UST: variants seen among roughly 807,000 people sequenced by gnomAD.
UST encodes the protein uronyl 2-sulfotransferase.
In UST, 21 loss-of-function variants were observed where a neutral mutation model predicts 45.6. That is an observed-to-expected ratio of 0.46 (90% CI 0.33 to 0.66). The LOEUF is 0.66. UST is among the 30% of genes least tolerant of loss of function. The pLI, the probability that UST is intolerant of heterozygous loss-of-function variation, is 0.02. For missense variants in UST, 463 were observed against 512.4 expected, an observed-to-expected ratio of 0.90 and a Z score of 0.93; for synonymous variants, 215 against 200.6, an observed-to-expected ratio of 1.07 and a Z score of -0.61.
At chr6:148,789,451 T>TCACA (rs1448553656) in intron 1 of UST, among the ~76,000 whole-genome samples, 102 of 132,998 alleles carry the variant, frequency 7.7e-4, no homozygotes, top group African/African-American at 1.3e-3. Flanking sequence ...TCTCTCTCTC[T>TCACA]CTCACACACA....
intron 5 of UST, among the ~76,000 whole-genome samples, chr6:148,992,437 C>G (rs1781373239): frequency 6.6e-6 from 1 of 152,174 alleles, no homozygotes; most frequent in African/African-American, 2.4e-5. Context: ...CCACTGCACT[C>G]CAGCCTGGGC....
At chr6:148,791,052 A>G (rs945571173) in intron 1 of UST, among the ~76,000 whole-genome samples, 1 of 152,152 alleles carries the variant, frequency 6.6e-6, no homozygotes, top group African/African-American at 2.4e-5. Flanking sequence ...ACCTTTTTCA[A>G]TTCAGTGCTT....
chr6:149,051,818 T>G (rs1776492354), intron 7 of UST, among the ~76,000 whole-genome samples: 1 of 152,210 alleles, frequency 6.6e-6, no homozygotes, highest in Non-Finnish European at 1.5e-5. Context: ...CATGAATGAT[T>G]TTTGAATGTT....
chr6:148,840,285 G>A (rs1264697836), intron 1 of UST, among the ~76,000 whole-genome samples: 1 of 152,082 alleles, frequency 6.6e-6, no homozygotes, highest in Non-Finnish European at 1.5e-5. Flanking sequence ...CTGGAGCCAG[G>A]TTTCTCCCAG....
At chr6:148,975,081 C>T (rs1021516311) in intron 5 of UST, among the ~76,000 whole-genome samples, 6 of 152,172 alleles carry the variant, frequency 3.9e-5, no homozygotes, top group Admixed American at 2.6e-4. Context: ...CATTCTATGT[C>T]TTATCACTAT....
intron 1 of UST, among the ~76,000 whole-genome samples, chr6:148,858,314 G>T (rs1444517284): frequency 6.6e-6 from 1 of 152,110 alleles, no homozygotes; most frequent in Non-Finnish European, 1.5e-5. Context: ...TGTAACAAGA[G>T]TCCAAAAGCT....
intron 2 of UST, among the ~76,000 whole-genome samples, chr6:148,903,978 G>A (rs1402348571): frequency 6.6e-6 from 1 of 152,188 alleles, no homozygotes; most frequent in African/African-American, 2.4e-5. Flanking sequence ...ATAACTGGCT[G>A]GAGAACATTC....
At chr6:148,832,274 A>G (rs1777703428) in intron 1 of UST, among the ~76,000 whole-genome samples, 1 of 152,220 alleles carries the variant, frequency 6.6e-6, no homozygotes, top group Non-Finnish European at 1.5e-5. Context: ...TTGACTTTAA[A>G]CCAAACACCG....
At chr6:148,930,573 C>T (rs1037552543) in intron 2 of UST, among the ~76,000 whole-genome samples, 6 of 152,166 alleles carry the variant, frequency 3.9e-5, no homozygotes, top group Non-Finnish European at 7.3e-5. Flanking sequence ...TAAGTTCATA[C>T]GATGGTGGAA....
chr6:149,013,629 G>A (rs1053558236), intron 5 of UST, among the ~76,000 whole-genome samples: 2 of 152,174 alleles, frequency 1.3e-5, no homozygotes, highest in Non-Finnish European at 2.9e-5. Flanking sequence ...GAGATGGCAC[G>A]ATTTAGCTGA....
chr6:148,838,080 A>C (rs1777823143), intron 1 of UST, among the ~76,000 whole-genome samples: 1 of 152,232 alleles, frequency 6.6e-6, no homozygotes, highest in Non-Finnish European at 1.5e-5. Flanking sequence ...TGCCTTGAGG[A>C]GATTAAATCA....
chr6:148,820,839 C>G (rs778937872), intron 1 of UST, among the ~76,000 whole-genome samples: 16 of 133,500 alleles, frequency 1.2e-4, no homozygotes, highest in African/African-American at 4.1e-4. Context: ...GGCAACAGAG[C>G]GAGACTCCAT....
intron 5 of UST, among the ~76,000 whole-genome samples, chr6:148,996,467 C>T (rs534752290): frequency 1.2e-3 from 189 of 152,332 alleles, no homozygotes; most frequent in African/African-American, 4.5e-3. Context: ...GATCTGCCTG[C>T]CCCGGCTTCC....
intron 5 of UST, among the ~76,000 whole-genome samples, chr6:148,991,147 C>A (rs978177153): frequency 6.6e-6 from 1 of 152,130 alleles, no homozygotes; most frequent in Non-Finnish European, 1.5e-5. Flanking sequence ...AAAGTTTGTT[C>A]TGAGGCAGGT....
intron 1 of UST, among the ~76,000 whole-genome samples, chr6:148,833,294 C>T (rs72999198): frequency 0.01 from 1,598 of 152,248 alleles, 19 homozygotes; most frequent in Admixed American, 0.021. Flanking sequence ...TGGAGACCAG[C>T]CTGGGCAACA....
intron 1 of UST, among the ~76,000 whole-genome samples, chr6:148,812,390 T>A (rs1281733221): frequency 2.0e-5 from 3 of 152,248 alleles, no homozygotes; most frequent in Admixed American, 1.3e-4. Flanking sequence ...ACGTATTGGT[T>A]ATTTATTGCA....
At chr6:148,989,541 A>G (rs2500522) in intron 5 of UST, among the ~76,000 whole-genome samples, 51,564 of 152,100 alleles carry the variant, frequency 0.34, 8,980 homozygotes, top group East Asian at 0.5. Context: ...GAAACTGAAA[A>G]CAAACTTGGA....
chr6:149,059,183 A>G (rs528227086), intron 7 of UST, among the ~76,000 whole-genome samples: 32 of 152,304 alleles, frequency 2.1e-4, no homozygotes, highest in Non-Finnish European at 3.4e-4. Flanking sequence ...TGTCTGGGCC[A>G]GGAGGAGTTG....
At chr6:148,974,738 C>T (rs1056673096) in intron 5 of UST, among the ~76,000 whole-genome samples, 29 of 152,220 alleles carry the variant, frequency 1.9e-4, no homozygotes, top group African/African-American at 7.0e-4. Context: ...CAAGAAGCCC[C>T]AGCCGCCTAA....
Sources: allele counts gnomAD v4.1 joint callset (sites outside exome capture counted in the v4.1 genomes callset), GRCh38; gene constraint gnomAD v4.1.1; transcripts MANE v1.5; gene names NCBI Gene and HGNC (gene_info 2026-07-23, HGNC 2026-07-21).